The following PIK3C2G variants were observed in gnomAD, a reference collection of about 807,000 sequenced individuals.
PIK3C2G encodes the protein phosphatidylinositol-4-phosphate 3-kinase catalytic subunit type 2 gamma.
A neutral mutation model predicts 181.1 loss-of-function variants in PIK3C2G; 168 were observed. The observed-to-expected ratio is 0.93, with a 90% CI of 0.82 to 1.05. The LOEUF (loss-of-function observed/expected upper bound fraction) is 1.05. Ranked by LOEUF, PIK3C2G falls within the 50% of genes least tolerant of loss-of-function variation. The pLI, the probability that PIK3C2G is intolerant of heterozygous loss-of-function variation, is 0.00. For synonymous variants in PIK3C2G, 573 were observed against 592.2 expected, an observed-to-expected ratio of 0.97 and a Z score of 0.47; for missense variants, 1,869 against 1,732.8, an observed-to-expected ratio of 1.08 and a Z score of -1.40.
At chr12:18,244,208 A>C (rs1948015798), upstream of PIK3C2G, among the ~76,000 whole-genome samples, 1 of 152,018 alleles carries the variant, frequency 6.6e-6, no homozygotes, top group Non-Finnish European at 1.5e-5. Flanking sequence ...AAATTCTATA[A>C]TCTGTAACAG....
chr12:18,663,126 T>C, the PIK3C2G span, among the ~76,000 whole-genome samples: 240 of 152,188 alleles, frequency 1.6e-3, no homozygotes, highest in Middle Eastern at 6.8e-3. Flanking sequence ...TTATACTCAA[T>C]GTTGAAAGAC....
At chr12:18,363,068 T>A in intron 12 of PIK3C2G, 182 bp downstream of exon 12, 2 of 463,666 alleles carry the variant, frequency 4.3e-6, no homozygotes, top group Non-Finnish European at 7.5e-6. Context: ...AGATTAAAAG[T>A]CCATTTAGAA....
At chr12:18,523,729 G>A (rs565500900) in intron 24 of PIK3C2G, among the ~76,000 whole-genome samples, 1 of 152,316 alleles carries the variant, frequency 6.6e-6, no homozygotes, top group Admixed American at 6.5e-5. Flanking sequence ...CAGATACTCT[G>A]TGGATAATCA....
At chr12:18,582,261 G>T (rs953562370) in intron 29 of PIK3C2G, among the ~76,000 whole-genome samples, 1 of 152,022 alleles carries the variant, frequency 6.6e-6, no homozygotes, top group African/African-American at 2.4e-5. Flanking sequence ...ATGGAGAAAA[G>T]CAACAACTGC....
intron 26 of PIK3C2G, among the ~76,000 whole-genome samples, chr12:18,559,647 A>T (rs1260862788): frequency 6.6e-6 from 1 of 151,294 alleles, no homozygotes; most frequent in Non-Finnish European, 1.5e-5. Context: ...CACACTGAAG[A>T]GAAACTGTTG....
intron 5 of PIK3C2G, among the ~76,000 whole-genome samples, chr12:18,295,014 C>T (rs1302992158): frequency 1.4e-5 from 2 of 141,884 alleles, no homozygotes; most frequent in Admixed American, 7.1e-5. Context: ...GACTATTTTC[C>T]TTTTTGTGGG....
intron 20 of PIK3C2G, among the ~76,000 whole-genome samples, chr12:18,492,026 T>A (rs964938960): frequency 2.0e-5 from 3 of 152,244 alleles, no homozygotes; most frequent in Non-Finnish European, 4.4e-5. Flanking sequence ...TGTCATATAG[T>A]TTGTGATTTT....
chr12:18,468,623 TC>T (rs1455234361), intron 18 of PIK3C2G, among the ~76,000 whole-genome samples: 2 of 152,092 alleles, frequency 1.3e-5, no homozygotes. Context: ...CTGTGACTTC[TC>T]CCTTTATTGA....
At chr12:18,612,799 T>G (rs1948409506) in intron 31 of PIK3C2G, among the ~76,000 whole-genome samples, 1 of 152,156 alleles carries the variant, frequency 6.6e-6, no homozygotes, top group Non-Finnish European at 1.5e-5. Context: ...TAGAGTTCTG[T>G]TATGTTTAAT....
At chr12:18,328,624 C>T (rs1263541661) in intron 8 of PIK3C2G, among the ~76,000 whole-genome samples, 1 of 151,810 alleles carries the variant, frequency 6.6e-6, no homozygotes, top group Admixed American at 6.6e-5. Context: ...TTGTATTCGA[C>T]CTTCCTCAGA....
intron 16 of PIK3C2G, among the ~76,000 whole-genome samples, chr12:18,403,043 T>C (rs1033892926): frequency 1.3e-5 from 2 of 152,152 alleles, no homozygotes; most frequent in Non-Finnish European, 1.5e-5. Context: ...ATCTGAACCA[T>C]TCTGTTTAAA....
Position 18,282,383 on chromosome 12 carries a change from T to A in PIK3C2G, c.302T>A (p.Val101Asp). Residue 101 changes from valine (V) to aspartate (D), a missense_variant, in exon 2 of 33, where the codon GTT becomes GAT. Physicochemically the swap from Val to Asp is radical, Grantham distance 152. Coordinates refer to ENST00000538779, the MANE Select transcript of PIK3C2G (RefSeq NM_001288772.2). ...SKSRELSWHQ[V>D]SKAPAIGFSP... ...AGCCGTGAACTCTCCTGGCATCAAG[T>A]TAGCAAAGCACCAGCAATTGGTTTT... The A allele has an allele frequency of 1.2e-6, 2 of 1,613,670 alleles. No individual in the cohort carries two copies. Among genetic ancestry groups the A allele is most frequent in the South Asian group, 1.1e-5 (1 of 91,074 alleles).
chr12:18,452,372 T>C (rs1456968574), intron 18 of PIK3C2G, among the ~76,000 whole-genome samples: 1 of 152,192 alleles, frequency 6.6e-6, no homozygotes, highest in Non-Finnish European at 1.5e-5. Context: ...GTGTTTATAG[T>C]ATTCTCTGGT....
chr12:18,654,611 T>C, the PIK3C2G span, among the ~76,000 whole-genome samples: 1 of 152,122 alleles, frequency 6.6e-6, no homozygotes, highest in African/African-American at 2.4e-5. Context: ...TTTGGAAAAT[T>C]TGTGGAACTG....
At chr12:18,582,814 T>G (rs1754710925) in intron 29 of PIK3C2G, among the ~76,000 whole-genome samples, 2 of 151,856 alleles carry the variant, frequency 1.3e-5, no homozygotes, top group African/African-American at 4.8e-5. Flanking sequence ...CTGCTTTTCT[T>G]TTTTATGTGG....
chr12:18,253,154 A>G (rs911916479), intron 1 of PIK3C2G, among the ~76,000 whole-genome samples: 3 of 152,230 alleles, frequency 2.0e-5, no homozygotes, highest in Non-Finnish European at 4.4e-5. Context: ...TAAAGAGAAC[A>G]TTTTTAAAAG....
chr12:18,544,291 C>T (rs1415929626), intron 25 of PIK3C2G, among the ~76,000 whole-genome samples: 1 of 151,820 alleles, frequency 6.6e-6, no homozygotes, highest in Non-Finnish European at 1.5e-5. Flanking sequence ...TTATAAAAGA[C>T]ATTTGTGACC....
At chr12:18,247,737 A>C (rs1948054831) in exon 1 of PIK3C2G, 1 of 152,334 alleles carries the variant, frequency 6.6e-6, no homozygotes, top group East Asian at 1.9e-4. Context: ...AAGGAAGGGA[A>C]GATGGAGCCG....
chr12:18,650,320 TC>T (rs1950372275), downstream of PIK3C2G, among the ~76,000 whole-genome samples: 2 of 106,512 alleles, frequency 1.9e-5, no homozygotes, highest in Non-Finnish European at 1.8e-5. Flanking sequence ...TCTCTCTCTC[TC>T]TCTCTCTCTC....
Sources: allele counts gnomAD v4.1 joint callset (sites outside exome capture counted in the v4.1 genomes callset), GRCh38; gene constraint gnomAD v4.1.1; transcripts MANE v1.5; gene names NCBI Gene and HGNC (gene_info 2026-07-23, HGNC 2026-07-21).